CPAMD8: variants seen among roughly 807,000 people sequenced by gnomAD.
CPAMD8 encodes C3 and PZP like alpha-2-macroglobulin domain containing 8.
In CPAMD8, 146 loss-of-function variants were observed where a neutral mutation model predicts 224.7. The observed-to-expected ratio is 0.65, with a 90% CI of 0.57 to 0.75. CPAMD8 has a LOEUF of 0.75. CPAMD8 is among the 30% of genes least tolerant of loss of function. The pLI, the probability that CPAMD8 is intolerant of heterozygous loss-of-function variation, is 0.00. For missense variants in CPAMD8, 2,301 were observed against 2,537.5 expected (o/e 0.91, Z 2.00); for synonymous variants, 966 against 1,044.6 (o/e 0.92, Z 1.45).
chr19:17,016,227 T>C (rs916143347), intron 3 of CPAMD8, among the ~76,000 whole-genome samples: 1 of 152,156 alleles, frequency 6.6e-6, no homozygotes, highest in African/African-American at 2.4e-5. Context: ...GTAGCTAGGA[T>C]TACAGGCACC....
At chr19:16,937,139 T>C (rs1292090083) in intron 23 of CPAMD8, among the ~76,000 whole-genome samples, 4 of 149,458 alleles carry the variant, frequency 2.7e-5, no homozygotes, top group African/African-American at 9.9e-5. Context: ...CTCCCTTCCT[T>C]ACTTCATTTT....
intron 29 of CPAMD8, chr19:16,907,338 G>A: frequency 2.3e-6 from 1 of 427,792 alleles, no homozygotes; most frequent in African/African-American, 2.5e-5. Flanking sequence ...TTGGTAATAG[G>A]CTGGGCGCAA....
At chr19:16,968,143 G>T (rs1050340829) in intron 18 of CPAMD8, among the ~76,000 whole-genome samples, 1 of 152,014 alleles carries the variant, frequency 6.6e-6, no homozygotes, top group Admixed American at 6.6e-5. Context: ...AGGGCCTCTG[G>T]GGTGGCTGCC....
At chr19:16,928,663 C>T (rs542292010) in intron 24 of CPAMD8, among the ~76,000 whole-genome samples, 1 of 152,242 alleles carries the variant, frequency 6.6e-6, no homozygotes, top group South Asian at 2.1e-4. Flanking sequence ...GAAAACACCC[C>T]CCAACCCCCA....
chr19:16,959,335 C>T (rs561359776), intron 18 of CPAMD8, among the ~76,000 whole-genome samples: 13 of 151,630 alleles, frequency 8.6e-5, no homozygotes, highest in South Asian at 8.3e-4. Flanking sequence ...CCACCACGCC[C>T]GGCTAATTTT....
chr19:16,909,724 A>G (rs2052652193), intron 29 of CPAMD8, among the ~76,000 whole-genome samples: 1 of 143,246 alleles, frequency 7.0e-6, no homozygotes, highest in Middle Eastern at 3.3e-3. Flanking sequence ...AGCCTAGGCA[A>G]TAAGAGCGAA....
chr19:16,975,049 A>G, intron 17 of CPAMD8, 48 bp downstream of exon 17: 1 of 1,576,622 alleles, frequency 6.3e-7, no homozygotes, highest in Non-Finnish European at 8.6e-7. Context: ...TTTCTAGGCA[A>G]GAGGAACTTA....
intron 18 of CPAMD8, among the ~76,000 whole-genome samples, chr19:16,967,863 T>TTGTATATATGTGCATATATACACACACG (rs71180345): frequency 1.4e-5 from 1 of 71,566 alleles, no homozygotes; most frequent in Non-Finnish European, 2.8e-5. Context: ...GTGTATATAC[T>TTGTATATATGTGCATATATACACACACG]TGTATATATG....
intron 17 of CPAMD8, among the ~76,000 whole-genome samples, chr19:16,974,757 A>G (rs200695055): frequency 6.6e-6 from 1 of 152,246 alleles, no homozygotes; most frequent in East Asian, 1.9e-4. Context: ...GCTTGAGGCC[A>G]GGAGTTTGAC....
At chr19:17,013,983 C>T (rs1264783892) in intron 3 of CPAMD8, among the ~76,000 whole-genome samples, 1 of 146,048 alleles carries the variant, frequency 6.8e-6, no homozygotes, top group Non-Finnish European at 1.5e-5. Flanking sequence ...TTCCATCCTT[C>T]CTACACTACA....
intron 26 of CPAMD8, among the ~76,000 whole-genome samples, chr19:16,922,509 G>A: frequency 6.6e-6 from 1 of 151,344 alleles, no homozygotes; most frequent in East Asian, 1.9e-4. Context: ...ACTACATCTG[G>A]GGTCCCTGAA....
rs551350662 is a variant in CPAMD8 at position 16,907,097 on chromosome 19, G to T, written c.3882C>A (p.Asp1294Glu). Residue 1294 changes from aspartate (D) to glutamate (E), a missense_variant, in exon 30 of 42, where the codon GAC becomes GAA. Asp to Glu is a conservative substitution (Grantham distance 45). Coordinates refer to ENST00000443236, the MANE Select transcript of CPAMD8 (RefSeq NM_015692.5). ...TASEEERGST[D>E]KARHFLESAA... is the part of the protein sequence containing the mutation. ...CAGACTCCAGGAAGTGCCTCGCTTT[G>T]TCAGTGGAGCCTCTCTCCTCCTGCA... 4 of 1,573,594 alleles carry T rather than the reference G, an allele frequency of 2.5e-6. No homozygotes were observed. In the South Asian group the frequency reaches 3.5e-5, roughly 14 times the overall value.
chr19:16,907,112 C>A lies in CPAMD8; in HGVS notation c.3867G>T (p.Glu1289Asp). The A allele has an allele frequency of 6.4e-7, 1 of 1,557,676 alleles. No homozygotes were observed. The highest frequency in any genetic ancestry group is 8.7e-7 in the Non-Finnish European group (1 of 1,149,966). The change falls in exon 30 of 42, where the codon GAG becomes GAT. Residue 1289 changes from glutamate (E) to aspartate (D), a missense_variant. Glu to Asp is a conservative substitution (Grantham distance 45). Transcript: ENST00000443236. ...GCCTCGCTTTGTCAGTGGAGCCTCT[C>A]TCCTCCTGCAGGGTGGGGTGGGAAG... Reference protein sequence around the residue: ...LLETGTASEEERGSTDKARHF... With the variant: ...LLETGTASEEDRGSTDKARHF...
intron 29 of CPAMD8, among the ~76,000 whole-genome samples, chr19:16,909,238 C>A (rs2052633668): frequency 6.6e-6 from 1 of 152,120 alleles, no homozygotes; most frequent in Admixed American, 6.6e-5. Context: ...AATCCAATGA[C>A]AAATATCTTT....
rs140342627 is a variant in CPAMD8, at chr19:17,018,693, G to A, written c.267+1638C>T. 9.6e-3 allele frequency among the ~76,000 whole-genome samples: 1,417 copies of A among 147,910 alleles called. 20 individuals carry two copies. The highest frequency in any genetic ancestry group is 0.034 in the Middle Eastern group (10 of 292). ...GTTTCAGACCAGTCTGGCCAACATG[G>A]TAAAACCCCATCTCTACTAAAAATA... On this transcript the variant is annotated intron_variant, in intron 3 of 41. Coordinates refer to ENST00000443236, the MANE Select transcript of CPAMD8 (RefSeq NM_015692.5).
At position 16,925,231 on chromosome 19, in the gene CPAMD8, T is replaced by C; in HGVS notation, c.3512A>G (p.Glu1171Gly). Residue 1171 changes from glutamate (E) to glycine (G), a missense_variant, in exon 26 of 42, where the codon GAG becomes GGG. By Grantham distance (98) the Glu-to-Gly change is moderately conservative (BLOSUM62 -2). Around this residue, in one of 4 missense-constraint regions of CPAMD8, gnomAD observed 1,709 missense variants for 1,753.2 expected, o/e 0.97. Transcript: ENST00000443236. ...YLQKTQQLSP[E>G]VERETTDYLV... ...GTAGTCGGTGGTCTCTCTCTCCACC[T>C]CAGGGCTGAGCTGCTGGGTTTTCTG... The C allele has an allele frequency of 1.9e-6, 3 of 1,614,166 alleles. No homozygotes were observed. Among genetic ancestry groups the C allele is most frequent in the Non-Finnish European group, 2.5e-6 (3 of 1,180,032 alleles).
Position 16,893,138 on chromosome 19 carries a change from T to A in CPAMD8, c.5628A>T (p.Leu1876Phe). Residue 1876 changes from leucine to phenylalanine, a missense_variant, in exon 42 of 42, where the codon TTA becomes TTT. By Grantham distance (22) the Leu-to-Phe change is conservative. Transcript: ENST00000443236. ...PAFQSGGEEG[L>F]WMSNTCTLR ...TCAAGGTGCAGGTGTTTGACATCCA[T>A]AAACCCTCCTCCCCACCACTCTGAA... 1 of 1,543,954 alleles carries A rather than the reference T, an allele frequency of 6.5e-7. No homozygotes were observed. The highest frequency in any genetic ancestry group is 1.1e-5 in the South Asian group (1 of 89,062).
At chr19:16,918,886 CT>C (rs1447108589) in intron 27 of CPAMD8, among the ~76,000 whole-genome samples, 8 of 151,888 alleles carry the variant, frequency 5.3e-5, no homozygotes, top group African/African-American at 1.7e-4. Flanking sequence ...GAACATTTCC[CT>C]TGAGCATGAG....
intron 8 of CPAMD8, among the ~76,000 whole-genome samples, chr19:17,003,455 C>T (rs2056394873): frequency 6.6e-6 from 1 of 151,880 alleles, no homozygotes; most frequent in South Asian, 2.1e-4. Flanking sequence ...GCCTCAGCTT[C>T]CCAAAGTGTT....
Sources: allele counts gnomAD v4.1 joint callset (sites outside exome capture counted in the v4.1 genomes callset), GRCh38; gene constraint gnomAD v4.1.1; regional missense constraint gnomAD v4.1.1; transcripts MANE v1.5; gene names NCBI Gene and HGNC (gene_info 2026-07-23, HGNC 2026-07-21).